The following ALG5 variants were observed in gnomAD, a reference collection of about 807,000 sequenced individuals.
ALG5 encodes dolichyl-phosphate beta-glucosyltransferase.
Under a neutral mutation model 51.8 loss-of-function variants are expected in ALG5, and 26 were observed. The observed-to-expected ratio is 0.50, with a 90% CI of 0.37 to 0.70. The LOEUF (loss-of-function observed/expected upper bound fraction) is 0.70. Among genes scored for constraint, ALG5 ranks in the 30% least tolerant of loss-of-function variants. ALG5 has a pLI of 0.00. For synonymous variants in ALG5, 141 were observed against 136.1 expected (o/e 1.04, Z -0.25); for missense variants, 311 against 399.3 (o/e 0.78, Z 1.88).
intron 7 of ALG5, 73 bp downstream of exon 7, chr13:36,971,904 G>T: frequency 1.7e-6 from 2 of 1,184,196 alleles, no homozygotes; most frequent in Non-Finnish European, 1.2e-6. Flanking sequence ...CCAGTTTCTT[G>T]CCAGATATAT....
At chr13:36,991,818 C>G (rs530225599) in intron 4 of ALG5, among the ~76,000 whole-genome samples, 38 of 152,216 alleles carry the variant, frequency 2.5e-4, no homozygotes, top group African/African-American at 9.1e-4. Flanking sequence ...GGAGTTCAGT[C>G]GTGCGATCAC....
At chr13:36,957,556 G>C (rs1032361065) in intron 8 of ALG5, among the ~76,000 whole-genome samples, 1 of 151,700 alleles carries the variant, frequency 6.6e-6, no homozygotes, top group African/African-American at 2.4e-5. Flanking sequence ...AGGAAGAGTC[G>C]AGAAAATGAA....
intron 8 of ALG5, 105 bp from the exon 9 acceptor site, chr13:36,952,704 T>A: frequency 1.7e-6 from 1 of 595,582 alleles, no homozygotes. Context: ...GATATAAAGC[T>A]TATACCATAA....
rs548793417 is a variant in ALG5, at chr13:36,977,769, G to A, written c.562-5733C>T. Among the ~76,000 whole-genome samples the A allele has an allele frequency of 4.3e-5, 5 of 117,494 alleles. No homozygotes were observed. In the South Asian group the frequency reaches 1.4e-3, roughly 34 times the overall value. The allele number at this position is 117,494 out of a possible 152,430, so 77.1% of individuals were successfully genotyped here. The stretch of plus-strand genomic sequence containing the variant: ...ATCATGCTACTGCACTCTAGCCTGG[G>A]CGACAGAGTGAGACTGTCTCCAAAA... On this transcript the variant is annotated intron_variant, in intron 6 of 9. Transcript: ENST00000239891.
intron 5 of ALG5, among the ~76,000 whole-genome samples, chr13:36,988,989 T>G (rs1357535054): frequency 1.3e-5 from 2 of 152,238 alleles, no homozygotes; most frequent in African/African-American, 2.4e-5. Context: ...AGTAACCTCT[T>G]TTTTGAAATT....
At position 36,993,643 on chromosome 13, in the gene ALG5, C is replaced by T; in HGVS notation, c.315G>A (p.Val105=). The part of the protein sequence containing the change: ...QKRDPAFTYE[V]IVVDDGSKDQ... ...CTTTACTGCCATCATCAACTACTAT[C>T]ACTTCATAAGTGAACGCAGGATCTC... The change falls in exon 4 of 10, where the codon GTG becomes GTA. Residue 105 remains valine, a synonymous_variant. Transcript: ENST00000239891. 1 of 1,613,810 alleles carries T rather than the reference C, an allele frequency of 6.2e-7. No homozygotes were observed. The highest frequency in any genetic ancestry group is 2.2e-5 in the East Asian group (1 of 44,872).
chr13:36,962,471 G>A (rs2058872150), intron 8 of ALG5, among the ~76,000 whole-genome samples: 1 of 152,086 alleles, frequency 6.6e-6, no homozygotes, highest in African/African-American at 2.4e-5. Context: ...TAAGTGAGGT[G>A]AATCTTGTTT....
intron 6 of ALG5, among the ~76,000 whole-genome samples, chr13:36,978,095 C>T (rs1810180031): frequency 6.6e-6 from 1 of 150,900 alleles, no homozygotes; most frequent in African/African-American, 2.4e-5. Context: ...ACCATGTTAG[C>T]CAGGATGGTC....
At chr13:36,968,880 A>G (rs918193075) in intron 7 of ALG5, among the ~76,000 whole-genome samples, 2 of 152,232 alleles carry the variant, frequency 1.3e-5, no homozygotes, top group East Asian at 1.9e-4. Context: ...CTATGATTCT[A>G]TAAGAATAAG....
intron 1 of ALG5, among the ~76,000 whole-genome samples, chr13:36,996,159 A>C (rs1177366985): frequency 4.6e-5 from 7 of 152,206 alleles, no homozygotes; most frequent in South Asian, 2.1e-4. Flanking sequence ...TTTGACACTT[A>C]ACTCGAATTT....
At chr13:36,974,999 T>C (rs1366112328) in intron 6 of ALG5, among the ~76,000 whole-genome samples, 2 of 152,140 alleles carry the variant, frequency 1.3e-5, no homozygotes, top group Admixed American at 6.5e-5. Context: ...CATCACAAGA[T>C]CAAGATATCC....
At chr13:36,992,759 C>T (rs1308529883) in intron 4 of ALG5, among the ~76,000 whole-genome samples, 1 of 152,198 alleles carries the variant, frequency 6.6e-6, no homozygotes, top group Non-Finnish European at 1.5e-5. Context: ...TAAAATTTTC[C>T]TCACACCCCT....
At chr13:36,999,355 GCC>G (rs2059074699), upstream of ALG5, 1 of 1,460,034 alleles carries the variant, frequency 6.8e-7, no homozygotes, top group African/African-American at 1.5e-5. Flanking sequence ...GCGGAAGCGC[GCC>G]CGCGCGACCC....
Position 36,961,051 on chromosome 13 carries a change from A to C in ALG5, c.773+4524T>G, listed in dbSNP as rs116185770. On this transcript the variant is annotated intron_variant, in intron 8 of 9. Coordinates refer to ENST00000239891, the MANE Select transcript of ALG5 (RefSeq NM_013338.5). ...CCATATCCATGGGTTCCACATTCGC[A>C]AATTCAACCAATCATGGACTGAAAA... 5.7e-3 allele frequency among the ~76,000 whole-genome samples: 864 copies of C among 152,238 alleles called. 7 individuals carry two copies. The highest frequency in any genetic ancestry group is 0.019 in the African/African-American group (804 of 41,544).
chr13:36,951,422 T>A (rs894520733), intron 9 of ALG5, among the ~76,000 whole-genome samples: 4 of 152,218 alleles, frequency 2.6e-5, no homozygotes, highest in African/African-American at 9.7e-5. Flanking sequence ...GTTTGTATAA[T>A]CTCGAGATTG....
At chr13:36,988,722 T>A (rs190840103) in intron 5 of ALG5, among the ~76,000 whole-genome samples, 1 of 148,072 alleles carries the variant, frequency 6.8e-6, no homozygotes, top group Non-Finnish European at 1.5e-5. Context: ...TCCCTTCTCC[T>A]TCCTGTTGAA....
chr13:36,997,857 TA>T (rs1254320540), intron 1 of ALG5, among the ~76,000 whole-genome samples: 8 of 152,250 alleles, frequency 5.3e-5, no homozygotes, highest in Admixed American at 3.9e-4. Flanking sequence ...TTTGAAAAAT[TA>T]TTTTTTTAAT....
chr13:36,968,516 G>A (rs914346769), intron 7 of ALG5, among the ~76,000 whole-genome samples: 5 of 152,204 alleles, frequency 3.3e-5, no homozygotes, highest in East Asian at 1.9e-4. Context: ...AAACATTACC[G>A]TTATACAGAA....
chr13:36,981,296 C>G (rs545445855), intron 6 of ALG5, among the ~76,000 whole-genome samples: 2 of 152,050 alleles, frequency 1.3e-5, no homozygotes, highest in African/African-American at 4.8e-5. Context: ...AAAGAAATGA[C>G]TTAAATGGTC....
Sources: gnomAD v4.1 joint callset for allele counts (sites outside exome capture counted in the v4.1 genomes callset) on GRCh38, gnomAD v4.1.1 for gene constraint, MANE v1.5 for transcripts, NCBI Gene and HGNC (gene_info 2026-07-23, HGNC 2026-07-21) for gene names.